The following PKHD1L1 variants were observed in gnomAD, a reference collection of about 807,000 sequenced individuals.
PKHD1L1 encodes PKHD1 like 1, also known as fibrocystin-L.
PKHD1L1 carries 434 observed loss-of-function variants against 462.9 expected under a neutral mutation model. The ratio of observed to expected loss-of-function variants is 0.94; its 90% CI spans 0.87 to 1.02. PKHD1L1 has a LOEUF of 1.02. PKHD1L1 is among the 50% of genes least tolerant of loss of function. The pLI is 0.00. For missense variants in PKHD1L1, 5,202 were observed against 5,096.1 expected (o/e 1.02, Z -0.63); for synonymous variants, 1,781 against 1,750.0 (o/e 1.02, Z -0.44).
chr8:109,422,528 G>A (rs1814527661), intron 23 of PKHD1L1, among the ~76,000 whole-genome samples: 1 of 152,096 alleles, frequency 6.6e-6, no homozygotes, highest in South Asian at 2.1e-4. Flanking sequence ...TAATTCCCTT[G>A]AGATCCATTC....
rs1821034520 is a variant in PKHD1L1, at chr8:109,531,280, G to T, written c.*1190G>T. Among the ~76,000 whole-genome samples, 1 of 152,188 alleles carries T rather than the reference G, an allele frequency of 6.6e-6. No individual in the cohort carries two copies. The highest frequency in any genetic ancestry group is 1.5e-5 in the Non-Finnish European group (1 of 68,040). On this transcript the variant is annotated 3_prime_UTR_variant, in exon 78 of 78. Coordinates refer to ENST00000378402, the MANE Select transcript of PKHD1L1 (RefSeq NM_177531.6). ...AATCAAATATCTTGGTATAAATGTG[G>T]CATTTCATTCACTTGAGCAGTATCT...
At chr8:109,512,580 G>A (rs1820050798) in intron 71 of PKHD1L1, among the ~76,000 whole-genome samples, 1 of 150,646 alleles carries the variant, frequency 6.6e-6, no homozygotes, top group Non-Finnish European at 1.5e-5. Flanking sequence ...CCAGTACCAT[G>A]CTGTTTTGGT....
At chr8:109,375,574 G>A (rs866460952) in intron 2 of PKHD1L1, among the ~76,000 whole-genome samples, 11 of 152,110 alleles carry the variant, frequency 7.2e-5, no homozygotes, top group African/African-American at 2.7e-4. Flanking sequence ...GAGGAGAGGT[G>A]CTCTGATTTT....
chr8:109,519,406 G>A (rs746606280), intron 73 of PKHD1L1, among the ~76,000 whole-genome samples: 11 of 152,122 alleles, frequency 7.2e-5, no homozygotes, highest in South Asian at 2.1e-4. Flanking sequence ...TCTGGCCTCC[G>A]TCCTCATGTT....
chr8:109,383,970 T>G, intron 4 of PKHD1L1, 100 bp from the exon 5 acceptor site: 1 of 811,310 alleles, frequency 1.2e-6, no homozygotes, highest in Admixed American at 1.9e-5. Context: ...AGTTACATTA[T>G]GAATATTGTT....
rs1457773400 is a variant in PKHD1L1 at position 109,384,277 on chromosome 8, G to T, written c.475+150G>T. The T allele has an allele frequency of 2.9e-5, 19 of 661,774 alleles. No individual in the cohort carries two copies. The South Asian group carries it at 4.0e-4, about 14-fold the overall frequency. 41.0% of individuals were successfully genotyped at this position (661,774 alleles called of 1,614,324 possible). The stretch of plus-strand genomic sequence containing the variant: ...CTATCAGCCAGGCGCGGTGGCTCAT[G>T]CCTGCAATCTCAGCATTTGGGGAGG... On this transcript the variant is annotated intron_variant, in intron 5 of 77. Transcript: ENST00000378402.
At chr8:109,404,425 T>G in intron 14 of PKHD1L1, 129 bp from the exon 15 acceptor site, 154 of 503,138 alleles carry the variant, frequency 3.1e-4, no homozygotes, top group Middle Eastern at 5.7e-4. Context: ...ATTTAAAATA[T>G]GAGATACTAC....
At chr8:109,414,662 G>A (rs944536652) in intron 21 of PKHD1L1, among the ~76,000 whole-genome samples, 8 of 151,928 alleles carry the variant, frequency 5.3e-5, no homozygotes, top group Non-Finnish European at 7.4e-5. Flanking sequence ...TCTTCCCATC[G>A]TAGAATAGAA....
intron 3 of PKHD1L1, among the ~76,000 whole-genome samples, chr8:109,381,893 A>G (rs1812138474): frequency 6.6e-6 from 1 of 152,186 alleles, no homozygotes; most frequent in Non-Finnish European, 1.5e-5. Flanking sequence ...AAATATAATC[A>G]TTTTGCATAG....
chr8:109,456,386 A>G lies in PKHD1L1; in HGVS notation c.6999A>G (p.Gly2333=), dbSNP rs1816827580. The G allele has an allele frequency of 6.2e-7, 1 of 1,604,490 alleles. No individual in the cohort carries two copies. Among genetic ancestry groups the G allele is most frequent in the Non-Finnish European group, 8.5e-7 (1 of 1,175,004 alleles). Residue 2333 remains glycine (G), a synonymous_variant, in exon 46 of 78, where the codon GGA becomes GGG. Transcript: ENST00000378402. ...ATAACATTGTAATTGCAAGCACAGG[A>G]CACAGGTATGATATCTTCTGGGCTT... The part of the protein sequence containing the change: ...PGDNIVIAST[G]HRHSQGENEK...
intron 18 of PKHD1L1, among the ~76,000 whole-genome samples, chr8:109,408,685 C>T (rs1813688404): frequency 6.6e-6 from 1 of 152,066 alleles, no homozygotes; most frequent in African/African-American, 2.4e-5. Context: ...ATATGGTACC[C>T]AAATCCTAAC....
intron 2 of PKHD1L1, among the ~76,000 whole-genome samples, chr8:109,367,537 CA>C (rs1363892286): frequency 2.6e-5 from 4 of 152,192 alleles, no homozygotes; most frequent in African/African-American, 9.7e-5. Flanking sequence ...TATTTCCAAA[CA>C]TAGTATAGTA....
At chr8:109,413,324 C>T in intron 20 of PKHD1L1, 97 bp from the exon 21 acceptor site, 1 of 845,352 alleles carries the variant, frequency 1.2e-6, no homozygotes. Flanking sequence ...GTAGAAAATG[C>T]TCAATAAATA....
intron 72 of PKHD1L1, among the ~76,000 whole-genome samples, chr8:109,515,876 A>T (rs1313338842): frequency 6.6e-6 from 1 of 152,182 alleles, no homozygotes; most frequent in Non-Finnish European, 1.5e-5. Flanking sequence ...CAGGGTTCTA[A>T]TGAGGCCAAT....
intron 2 of PKHD1L1, among the ~76,000 whole-genome samples, chr8:109,378,487 T>A (rs1241480348): frequency 6.6e-6 from 1 of 152,238 alleles, no homozygotes; most frequent in Non-Finnish European, 1.5e-5. Flanking sequence ...CCTTGGCACA[T>A]CCTATTTCTT....
chr8:109,428,637 G>T (rs1814911299), intron 25 of PKHD1L1, among the ~76,000 whole-genome samples: 1 of 152,148 alleles, frequency 6.6e-6, no homozygotes. Flanking sequence ...CTCCCTTGGT[G>T]TCTCTGCTGG....
chr8:109,400,036 T>A (rs764332254), intron 12 of PKHD1L1, 40 bp from the exon 13 acceptor site: 1 of 1,560,354 alleles, frequency 6.4e-7, no homozygotes, highest in Non-Finnish European at 8.7e-7. Context: ...CATTGCATTA[T>A]GATCCTGATG....
chr8:109,527,042 A>G (rs1820853656), intron 77 of PKHD1L1, 22 bp downstream of exon 77: 4 of 1,556,600 alleles, frequency 2.6e-6, no homozygotes, highest in African/African-American at 1.4e-5. Context: ...CCATTAATAC[A>G]TTATTTCTCC....
rs555081309 is a variant in PKHD1L1, at chr8:109,377,769, A to G, written c.164-3601A>G. 9.8e-5 allele frequency among the ~76,000 whole-genome samples: 15 copies of G among 152,318 alleles called. No individual in the cohort carries two copies. In the East Asian group the frequency reaches 1.5e-3, roughly 16 times the overall value. On this transcript the variant is annotated intron_variant, in intron 2 of 77. Coordinates refer to ENST00000378402, the MANE Select transcript of PKHD1L1 (RefSeq NM_177531.6). Reference sequence around the variant, plus strand: ...TTTTTAACATTTTTATTAGGAGAACATTTAATTATAGGATTTAATTAATGG... The same window carrying G: ...TTTTTAACATTTTTATTAGGAGAACGTTTAATTATAGGATTTAATTAATGG...
Sources: allele counts gnomAD v4.1 joint callset (sites outside exome capture counted in the v4.1 genomes callset), GRCh38; gene constraint gnomAD v4.1.1; transcripts MANE v1.5; gene names NCBI Gene and HGNC (gene_info 2026-07-23, HGNC 2026-07-21).